Variants in DCC observed in about 807,000 individuals in gnomAD.
The protein encoded by DCC is netrin receptor DCC.
Under a neutral mutation model 172.5 loss-of-function variants are expected in DCC, and 58 were observed. The observed-to-expected ratio is 0.34, with a 90% CI of 0.27 to 0.42. DCC has a LOEUF of 0.42. Ranked by LOEUF, DCC falls within the 10% of genes least tolerant of loss-of-function variation. DCC has a pLI of 1.00. For missense variants in DCC, 1,740 were observed against 1,791.0 expected (o/e 0.97, Z 0.51); for synonymous variants, 709 against 644.5 (o/e 1.10, Z -1.52).
chr18:53,053,399 T>C lies in DCC; in HGVS notation c.986-9906T>C, dbSNP rs1425335979. Reference sequence around the variant, plus strand: ...CTATTGCTATGCTTTCTTTTCATTCTTTGACTGCTGTGGGTGATTTTTATG... The same window carrying C: ...CTATTGCTATGCTTTCTTTTCATTCCTTGACTGCTGTGGGTGATTTTTATG... On this transcript the variant is annotated intron_variant, in intron 5 of 28. Transcript: ENST00000442544. Among the ~76,000 whole-genome samples, 3 of 152,174 alleles carry C rather than the reference T, an allele frequency of 2.0e-5. No individual in the cohort carries two copies. The East Asian group carries it at 5.8e-4, about 29-fold the overall frequency.
chr18:52,956,200 A>C (rs6508179), intron 5 of DCC, among the ~76,000 whole-genome samples: 38,124 of 151,808 alleles, frequency 0.25, 5,053 homozygotes, highest in Admixed American at 0.32. Context: ...TTAGCATTTT[A>C]AATTTAGATC....
intron 2 of DCC, among the ~76,000 whole-genome samples, chr18:52,810,199 G>T (rs908908111): frequency 6.6e-5 from 10 of 152,122 alleles, no homozygotes; most frequent in African/African-American, 2.4e-4. Context: ...CATCACCAAT[G>T]ACCCACTTCT....
intron 2 of DCC, among the ~76,000 whole-genome samples, chr18:52,797,032 A>T (rs2037889375): frequency 6.7e-6 from 1 of 149,512 alleles, no homozygotes; most frequent in Admixed American, 6.7e-5. Flanking sequence ...TTCTGCCTGC[A>T]TTATTAGAAA....
intron 12 of DCC, among the ~76,000 whole-genome samples, chr18:53,261,636 C>T (rs967717560): frequency 4.6e-5 from 7 of 152,202 alleles, no homozygotes; most frequent in Admixed American, 6.5e-5. Flanking sequence ...TCAGCCTCTC[C>T]GAGTAGCTGG....
At chr18:52,965,375 G>T (rs146857948) in intron 5 of DCC, among the ~76,000 whole-genome samples, 1 of 152,040 alleles carries the variant, frequency 6.6e-6, no homozygotes, top group African/African-American at 2.4e-5. Flanking sequence ...TACCACAAAA[G>T]GGTAAAAGGA....
At chr18:52,713,430 G>A (rs957152056) in intron 1 of DCC, among the ~76,000 whole-genome samples, 10 of 152,190 alleles carry the variant, frequency 6.6e-5, no homozygotes, top group African/African-American at 1.4e-4. Flanking sequence ...AAAACAGAAA[G>A]CAGAAAAGGA....
intron 8 of DCC, among the ~76,000 whole-genome samples, chr18:53,172,470 T>A (rs1395998000): frequency 6.6e-6 from 1 of 152,094 alleles, no homozygotes; most frequent in Non-Finnish European, 1.5e-5. Flanking sequence ...TCTAAAATAA[T>A]GAAATTATTT....
intron 1 of DCC, among the ~76,000 whole-genome samples, chr18:52,678,876 C>T (rs1057331155): frequency 3.9e-5 from 6 of 152,108 alleles, no homozygotes; most frequent in Admixed American, 2.0e-4. Context: ...ATTCTTTCAT[C>T]GGTGACTCTA....
At chr18:53,427,907 T>C (rs1468671851) in intron 21 of DCC, among the ~76,000 whole-genome samples, 2 of 73,224 alleles carry the variant, frequency 2.7e-5, no homozygotes, top group East Asian at 5.7e-4. Context: ...TTATATATAA[T>C]ATATAATAAT....
chr18:52,512,764 A>C (rs1014200057), intron 1 of DCC, among the ~76,000 whole-genome samples: 13 of 152,186 alleles, frequency 8.5e-5, no homozygotes, highest in African/African-American at 3.1e-4. Flanking sequence ...GGGGGGAAAA[A>C]AGAAAGCAAT....
In DCC at chr18:53,288,284, T is replaced by G. The variant is rs370493640; in HGVS notation, c.1912-17294T>G. Among the ~76,000 whole-genome samples the G allele has an allele frequency of 1.4e-4, 22 of 152,210 alleles. No homozygotes were observed. In the South Asian group the frequency reaches 4.1e-3, roughly 29 times the overall value. On this transcript the variant is annotated intron_variant, in intron 12 of 28. Coordinates refer to ENST00000442544, the MANE Select transcript of DCC (RefSeq NM_005215.4). ...ATATTTATTAAAGCAGATTAGAAAT[T>G]TTATCTATTGTTACCTAGGAACTTT... is the stretch of plus-strand genomic sequence containing the variant.
chr18:53,016,057 A>T (rs2041804086), intron 5 of DCC, among the ~76,000 whole-genome samples: 1 of 152,148 alleles, frequency 6.6e-6, no homozygotes, highest in South Asian at 2.1e-4. Context: ...AACAGAGCCA[A>T]AAACATGTCA....
chr18:52,852,996 T>C (rs543487628), intron 2 of DCC, among the ~76,000 whole-genome samples: 1 of 152,292 alleles, frequency 6.6e-6, no homozygotes, highest in South Asian at 2.1e-4. Flanking sequence ...CCTCTTGACA[T>C]AATCCATTCA....
intron 1 of DCC, among the ~76,000 whole-genome samples, chr18:52,411,311 C>G (rs916928811): frequency 6.6e-6 from 1 of 152,132 alleles, no homozygotes; most frequent in Non-Finnish European, 1.5e-5. Flanking sequence ...AATGCTACCC[C>G]TTCTTCAGCT....
intron 27 of DCC, among the ~76,000 whole-genome samples, chr18:53,516,657 C>G (rs1178779575): frequency 6.6e-6 from 1 of 150,914 alleles, no homozygotes; most frequent in Non-Finnish European, 1.5e-5. Flanking sequence ...AGACACTTCT[C>G]AAAAGAACAC....
intron 1 of DCC, among the ~76,000 whole-genome samples, chr18:52,399,771 G>C (rs1255622765): frequency 6.6e-6 from 1 of 151,980 alleles, no homozygotes; most frequent in East Asian, 1.9e-4. Context: ...TTATTGACAT[G>C]TCTGTTACGT....
At chr18:53,420,007 C>G (rs1910545753) in intron 21 of DCC, among the ~76,000 whole-genome samples, 2 of 152,058 alleles carry the variant, frequency 1.3e-5, no homozygotes, top group Non-Finnish European at 2.9e-5. Flanking sequence ...GTGCGTGCCA[C>G]CACACCTGGC....
intron 1 of DCC, among the ~76,000 whole-genome samples, chr18:52,540,842 G>A (rs768330347): frequency 1.3e-5 from 2 of 151,946 alleles, no homozygotes; most frequent in Non-Finnish European, 2.9e-5. Context: ...TCCTGACTTC[G>A]TGATCCGCCC....
intron 1 of DCC, among the ~76,000 whole-genome samples, chr18:52,750,435 TC>T (rs1318086673): frequency 2.0e-5 from 3 of 152,312 alleles, no homozygotes; most frequent in Non-Finnish European, 4.4e-5. Flanking sequence ...TCATCTGGGA[TC>T]TTTATCAATA....
Sources: gnomAD v4.1 joint callset for allele counts (sites outside exome capture counted in the v4.1 genomes callset) on GRCh38, gnomAD v4.1.1 for gene constraint, MANE v1.5 for transcripts, NCBI Gene and HGNC (gene_info 2026-07-23, HGNC 2026-07-21) for gene names.